Variants in GRIP1 observed in about 807,000 individuals in gnomAD.
GRIP1 encodes the protein glutamate receptor-interacting protein 1.
Under a neutral mutation model 129.9 loss-of-function variants are expected in GRIP1, and 45 were observed. The ratio of observed to expected loss-of-function variants is 0.35; its 90% CI spans 0.27 to 0.44. The LOEUF (loss-of-function observed/expected upper bound fraction) is 0.44, where lower values mean the gene tolerates loss of function less well. GRIP1 is among the 20% of genes least tolerant of loss of function. The pLI is 1.00. For synonymous variants in GRIP1, 530 were observed against 520.8 expected (o/e 1.02, Z -0.24); for missense variants, 1,196 against 1,396.8 (o/e 0.86, Z 2.29).
chr12:67,004,982 A>G (rs1012380445), intron 1 of GRIP1, among the ~76,000 whole-genome samples: 27 of 151,788 alleles, frequency 1.8e-4, no homozygotes, highest in African/African-American at 6.5e-4. Context: ...CCATGAGAGC[A>G]TTTTTCAAAA....
At chr12:66,758,895 A>G (rs949010708) in intron 1 of GRIP1, among the ~76,000 whole-genome samples, 2 of 152,138 alleles carry the variant, frequency 1.3e-5, no homozygotes, top group African/African-American at 4.8e-5. Flanking sequence ...TTTCGGGTAC[A>G]GCCTCCCTCC....
At chr12:66,783,801 T>C (rs2038233361) in intron 1 of GRIP1, among the ~76,000 whole-genome samples, 1 of 152,146 alleles carries the variant, frequency 6.6e-6, no homozygotes, top group South Asian at 2.1e-4. Flanking sequence ...TTGAGTTCAA[T>C]ATGAAAAAAT....
At chr12:66,556,925 C>T (rs774755232) in intron 2 of GRIP1, among the ~76,000 whole-genome samples, 18 of 151,288 alleles carry the variant, frequency 1.2e-4, no homozygotes, top group Admixed American at 2.6e-4. Flanking sequence ...AAAAATAAGA[C>T]CACAAAACAA....
chr12:66,797,434 C>T (rs1302798383), intron 1 of GRIP1, among the ~76,000 whole-genome samples: 1 of 152,194 alleles, frequency 6.6e-6, no homozygotes, highest in East Asian at 1.9e-4. Context: ...GGGTCTTCAG[C>T]ACTCTCCACT....
chr12:66,940,339 T>C (rs1298106869), intron 1 of GRIP1, among the ~76,000 whole-genome samples: 4 of 152,162 alleles, frequency 2.6e-5, no homozygotes, highest in African/African-American at 9.7e-5. Flanking sequence ...TGAAATTAAA[T>C]GAGAATTCTG....
intron 16 of GRIP1, among the ~76,000 whole-genome samples, chr12:66,403,072 G>A (rs942575513): frequency 6.6e-6 from 1 of 152,116 alleles, no homozygotes; most frequent in Non-Finnish European, 1.5e-5. Flanking sequence ...TTACCAAGTT[G>A]CCCAAACTCT....
At chr12:66,915,789 G>GT (rs563645637) in intron 1 of GRIP1, among the ~76,000 whole-genome samples, 210 of 152,324 alleles carry the variant, frequency 1.4e-3, no homozygotes, top group Non-Finnish European at 2.5e-3. Context: ...AATATAATGA[G>GT]TGACAGCCAG....
chr12:66,472,584 C>T (rs1183275608), intron 7 of GRIP1, among the ~76,000 whole-genome samples: 3 of 152,172 alleles, frequency 2.0e-5, no homozygotes, highest in East Asian at 3.9e-4. Context: ...GCAAGATCAA[C>T]ACAGAAGGCG....
intron 11 of GRIP1, among the ~76,000 whole-genome samples, chr12:66,453,578 A>C (rs2058869588): frequency 6.6e-6 from 1 of 152,238 alleles, no homozygotes; most frequent in African/African-American, 2.4e-5. Context: ...GACAGTTAAC[A>C]CAAACTATTC....
chr12:67,064,297 G>A (rs1015488321), intron 1 of GRIP1, among the ~76,000 whole-genome samples: 2 of 152,202 alleles, frequency 1.3e-5, no homozygotes, highest in African/African-American at 4.8e-5. Context: ...GTCCGAAAGG[G>A]AAAGATGTTA....
At chr12:66,540,502 G>A (rs1257904174) in intron 3 of GRIP1, among the ~76,000 whole-genome samples, 1 of 152,206 alleles carries the variant, frequency 6.6e-6, no homozygotes, top group African/African-American at 2.4e-5. Flanking sequence ...AAAGGAGGTT[G>A]TGGGTGTGGA....
chr12:66,601,737 C>T lies in GRIP1; in HGVS notation c.56-4810G>A, dbSNP rs555869142. On this transcript the variant is annotated intron_variant, in intron 1 of 24. Transcript: ENST00000359742. ...CAGAGAGGAGACAGGCAGGGCATGC[C>T]ACAGTGTTCATGCATGTCCTTACAA... Among the ~76,000 whole-genome samples the T allele has an allele frequency of 9.9e-5, 15 of 152,256 alleles. No individual in the cohort carries two copies. In the South Asian group the frequency reaches 2.5e-3, roughly 25 times the overall value.
At position 66,874,165 on chromosome 12, in the gene GRIP1, A is replaced by T. The variant is rs143648566; in HGVS notation, c.58+194885T>A. On this transcript the variant is annotated intron_variant, in intron 1 of 1. Transcript: ENST00000643019. ...AAGTAAGACCTGAGAGCTATTAGTC[A>T]AAGTACCAATCCTTTTCAGAAGAAA... Among the ~76,000 whole-genome samples, 190 of 152,232 alleles carry T rather than the reference A, an allele frequency of 1.2e-3. 1 individual carries two copies. The highest frequency in any genetic ancestry group is 4.5e-3 in the African/African-American group (185 of 41,566).
intron 1 of GRIP1, among the ~76,000 whole-genome samples, chr12:67,000,825 A>G (rs1027607687): frequency 1.3e-5 from 2 of 152,230 alleles, no homozygotes; most frequent in Admixed American, 1.3e-4. Flanking sequence ...AAGATTTAGC[A>G]AATACAAAAA....
chr12:66,803,690 A>G (rs982633351), intron 1 of GRIP1, among the ~76,000 whole-genome samples: 2 of 152,224 alleles, frequency 1.3e-5, no homozygotes, highest in African/African-American at 4.8e-5. Flanking sequence ...TATTTCTTCC[A>G]AATGAGCTAG....
At chr12:66,653,409 T>C (rs2032938891) in intron 1 of GRIP1, among the ~76,000 whole-genome samples, 1 of 152,200 alleles carries the variant, frequency 6.6e-6, no homozygotes, top group Non-Finnish European at 1.5e-5. Context: ...CCCCTGGAAG[T>C]ATCACCTAGA....
At chr12:66,780,001 G>C (rs2038104128) in intron 1 of GRIP1, among the ~76,000 whole-genome samples, 1 of 152,176 alleles carries the variant, frequency 6.6e-6, no homozygotes, top group Non-Finnish European at 1.5e-5. Flanking sequence ...TCAGGAGGCA[G>C]GGAAGGAGCG....
intron 1 of GRIP1, among the ~76,000 whole-genome samples, chr12:66,809,525 C>A (rs2039062112): frequency 6.6e-6 from 1 of 152,188 alleles, no homozygotes; most frequent in South Asian, 2.1e-4. Flanking sequence ...AAAAAACACT[C>A]TGTTCTCTGG....
intron 14 of GRIP1, among the ~76,000 whole-genome samples, chr12:66,425,721 G>A (rs1232654547): frequency 6.7e-6 from 1 of 150,202 alleles, no homozygotes; most frequent in Non-Finnish European, 1.5e-5. Flanking sequence ...CTATCGCAAG[G>A]ACAAAAAACC....
Sources: allele counts gnomAD v4.1 joint callset (sites outside exome capture counted in the v4.1 genomes callset), GRCh38; gene constraint gnomAD v4.1.1; transcripts MANE v1.5; gene names NCBI Gene and HGNC (gene_info 2026-07-23, HGNC 2026-07-21).